Variants in KCNIP4 observed in about 807,000 individuals in gnomAD.
The protein encoded by KCNIP4 is Kv channel-interacting protein 4.
Under a neutral mutation model 34.0 loss-of-function variants are expected in KCNIP4, and 12 were observed. That is an observed-to-expected ratio of 0.35 (90% confidence interval 0.23 to 0.57). KCNIP4 has a LOEUF of 0.57. Among genes scored for constraint, KCNIP4 ranks in the 20% least tolerant of loss-of-function variants. The probability of loss-of-function intolerance (pLI) is 0.83; values close to 1 mark genes in which losing one functional copy is unlikely to be tolerated. For missense variants in KCNIP4, 238 were observed against 311.7 expected (o/e 0.76, Z 1.78); for synonymous variants, 124 against 102.2 (o/e 1.21, Z -1.29).
chr4:21,768,912 C>T (rs552016856), intron 1 of KCNIP4, among the ~76,000 whole-genome samples: 17 of 151,940 alleles, frequency 1.1e-4, no homozygotes, highest in Non-Finnish European at 2.5e-4. Flanking sequence ...AATCATATGT[C>T]AATTTATTTT....
intron 1 of KCNIP4, among the ~76,000 whole-genome samples, chr4:20,939,614 C>T (rs987908897): frequency 3.2e-4 from 48 of 152,110 alleles, no homozygotes; most frequent in East Asian, 1.9e-3. Context: ...CCTCATGATC[C>T]GCCCGCCTCA....
At chr4:21,249,170 C>T (rs1327348856) in intron 1 of KCNIP4, among the ~76,000 whole-genome samples, 1 of 151,874 alleles carries the variant, frequency 6.6e-6, no homozygotes, top group Non-Finnish European at 1.5e-5. Context: ...TCTCTGGGGA[C>T]CAATTATTAC....
At chr4:21,715,184 C>T (rs75936233) in intron 1 of KCNIP4, among the ~76,000 whole-genome samples, 1 of 151,166 alleles carries the variant, frequency 6.6e-6, no homozygotes, top group Non-Finnish European at 1.5e-5. Flanking sequence ...GGGTTCACTC[C>T]ATTCTCCTGC....
intron 1 of KCNIP4, among the ~76,000 whole-genome samples, chr4:20,943,805 C>T (rs1374449894): frequency 6.6e-6 from 1 of 152,206 alleles, no homozygotes; most frequent in African/African-American, 2.4e-5. Context: ...AGATCCCATA[C>T]TAGCTCAACA....
chr4:20,748,350 G>C (rs1434606373), intron 5 of KCNIP4, among the ~76,000 whole-genome samples: 3 of 151,782 alleles, frequency 2.0e-5, no homozygotes, highest in Non-Finnish European at 4.4e-5. Flanking sequence ...CCAAGCCTTT[G>C]TTCTCTTAAG....
intron 3 of KCNIP4, among the ~76,000 whole-genome samples, chr4:20,765,351 G>T (rs1257915467): frequency 2.0e-5 from 3 of 152,158 alleles, no homozygotes; most frequent in African/African-American, 7.2e-5. Context: ...GATGTACACG[G>T]TGTATTTGTA....
chr4:21,706,859 A>AAGCAG (rs985022492), intron 1 of KCNIP4, among the ~76,000 whole-genome samples: 6 of 152,016 alleles, frequency 3.9e-5, no homozygotes, highest in African/African-American at 1.5e-4. Context: ...CTGCAAAGAG[A>AAGCAG]AGCAGAGCAG....
intron 1 of KCNIP4, among the ~76,000 whole-genome samples, chr4:21,620,202 T>G (rs1040980316): frequency 6.6e-6 from 1 of 151,984 alleles, no homozygotes; most frequent in Non-Finnish European, 1.5e-5. Flanking sequence ...GTAGAAACCA[T>G]AAGTAAAGAA....
intron 1 of KCNIP4, among the ~76,000 whole-genome samples, chr4:21,709,954 T>C (rs1437101238): frequency 1.3e-5 from 2 of 152,204 alleles, no homozygotes; most frequent in Non-Finnish European, 2.9e-5. Flanking sequence ...CATCATATAA[T>C]GATAACCACC....
intron 1 of KCNIP4, among the ~76,000 whole-genome samples, chr4:21,424,115 G>C (rs1052253579): frequency 1.3e-5 from 2 of 151,234 alleles, no homozygotes; most frequent in African/African-American, 4.9e-5. Context: ...CACCATGCCA[G>C]GCCGAGAATT....
intron 3 of KCNIP4, among the ~76,000 whole-genome samples, chr4:20,797,754 G>A (rs1161972652): frequency 6.6e-6 from 1 of 152,184 alleles, no homozygotes; most frequent in Non-Finnish European, 1.5e-5. Flanking sequence ...GTCCCTGGCT[G>A]TGGGTCGGCA....
At chr4:21,667,077 A>G (rs560811166) in intron 1 of KCNIP4, among the ~76,000 whole-genome samples, 1 of 152,354 alleles carries the variant, frequency 6.6e-6, no homozygotes, top group African/African-American at 2.4e-5. Flanking sequence ...CTCCCCTTCC[A>G]GACACACCCC....
intron 1 of KCNIP4, among the ~76,000 whole-genome samples, chr4:21,575,997 G>T (rs143548164): frequency 6.6e-6 from 1 of 152,048 alleles, no homozygotes. Context: ...ATTCATTTGC[G>T]TATACTTCTT....
At chr4:20,833,356 A>C (rs1211492720) in intron 3 of KCNIP4, among the ~76,000 whole-genome samples, 1 of 152,070 alleles carries the variant, frequency 6.6e-6, no homozygotes, top group South Asian at 2.1e-4. Flanking sequence ...GTGGTGGCAC[A>C]TGCCTGTAGT....
At position 21,226,243 on chromosome 4, in the gene KCNIP4, GGGGGA is replaced by G. The variant is rs1377053002; in HGVS notation, c.62-343539_62-343535del. Among the ~76,000 whole-genome samples the G allele has an allele frequency of 5.5e-3, 586 of 106,216 alleles. 19 individuals are homozygous for G. Among genetic ancestry groups the G allele is most frequent in the Admixed American group, 0.044 (482 of 10,958 alleles). The allele number at this position is 106,216 out of a possible 152,430, so 69.7% of individuals were successfully genotyped here. A position where few individuals can be genotyped will look rare whatever the true frequency, so the allele number is the denominator to read the frequency against. On this transcript the variant is annotated intron_variant, in intron 1 of 8. Transcript: ENST00000382152. ...CCTGGGCAGCATAGGGGGAGGGAGG[GGGGGA>G]GGGAGGGAGGGAGGGAGGGAGGGCG... is the stretch of plus-strand genomic sequence containing the variant.
chr4:21,685,265 A>G (rs1750718222), intron 1 of KCNIP4, among the ~76,000 whole-genome samples: 2 of 152,228 alleles, frequency 1.3e-5, no homozygotes, highest in Non-Finnish European at 2.9e-5. Context: ...AACAGGACTT[A>G]GTGCTGTTTG....
chr4:21,016,890 TAAGAA>T (rs1260736489), intron 1 of KCNIP4, among the ~76,000 whole-genome samples: 5 of 152,348 alleles, frequency 3.3e-5, no homozygotes, highest in Admixed American at 3.3e-4. Context: ...TCTAAATTCT[TAAGAA>T]AAGTGCTATT....
chr4:21,098,542 G>C (rs145565580), intron 1 of KCNIP4, among the ~76,000 whole-genome samples: 2,842 of 152,108 alleles, frequency 0.019, 53 homozygotes, highest in Non-Finnish European at 0.026. Context: ...GTTTCCCATA[G>C]GTGCAACAAC....
At chr4:21,388,538 T>A (rs528109434) in intron 1 of KCNIP4, among the ~76,000 whole-genome samples, 3 of 152,160 alleles carry the variant, frequency 2.0e-5, no homozygotes, top group Non-Finnish European at 4.4e-5. Flanking sequence ...TTTAACCTGT[T>A]AAAGTGAATT....
Sources: gnomAD v4.1 joint callset for allele counts (sites outside exome capture counted in the v4.1 genomes callset) on GRCh38, gnomAD v4.1.1 for gene constraint, MANE v1.5 for transcripts, NCBI Gene and HGNC (gene_info 2026-07-23, HGNC 2026-07-21) for gene names.